FAM193A: variants seen among roughly 807,000 people sequenced by gnomAD.
The protein encoded by FAM193A is protein FAM193A.
A neutral mutation model predicts 126.5 loss-of-function variants in FAM193A; 22 were observed. The ratio of observed to expected loss-of-function variants is 0.17; its 90% CI spans 0.12 to 0.25. The LOEUF is 0.25. FAM193A is among the 10% of genes least tolerant of loss of function. The probability of loss-of-function intolerance (pLI) is 1.00; values close to 1 mark genes in which losing one functional copy is unlikely to be tolerated. For synonymous variants in FAM193A, 761 were observed against 646.8 expected (o/e 1.18, Z -2.68); for missense variants, 1,675 against 1,672.8 (o/e 1.00, Z -0.02).
At chr4:2,711,715 G>A (rs1325841694) in intron 19 of FAM193A, among the ~76,000 whole-genome samples, 6 of 151,792 alleles carry the variant, frequency 4.0e-5, no homozygotes, top group Admixed American at 2.0e-4. Context: ...TTGGGAGGCC[G>A]AGGCGGGCAG....
intron 4 of FAM193A, among the ~76,000 whole-genome samples, chr4:2,626,947 C>T (rs1029709365): frequency 6.6e-6 from 1 of 151,938 alleles, no homozygotes; most frequent in African/African-American, 2.4e-5. Context: ...CCGAGTTAGC[C>T]CATTTATGAA....
intron 1 of FAM193A, among the ~76,000 whole-genome samples, chr4:2,556,440 A>G (rs868269386): frequency 7.0e-5 from 10 of 143,792 alleles, no homozygotes; most frequent in Non-Finnish European, 1.4e-4. Context: ...TCCTGACCTC[A>G]TGATCTGCCT....
In FAM193A at chr4:2,725,297, C is replaced by T. The variant is rs187826053; in HGVS notation, c.4455-6478C>T. Among the ~76,000 whole-genome samples, 343 of 151,772 alleles carry T rather than the reference C, an allele frequency of 2.3e-3. 3 individuals are homozygous for T. In the Middle Eastern group the frequency reaches 0.038, roughly 17 times the overall value. On this transcript the variant is annotated intron_variant, in intron 20 of 20. Coordinates refer to ENST00000637812, the MANE Select transcript of FAM193A (RefSeq NM_001366318.2). Reference sequence around the variant, plus strand: ...ACGTCATCTCTACAAAAAGTAAAATCAGCTGGGCATGGTGGCACACTACTG... The same window carrying T: ...ACGTCATCTCTACAAAAAGTAAAATTAGCTGGGCATGGTGGCACACTACTG...
intron 2 of FAM193A, among the ~76,000 whole-genome samples, chr4:2,603,144 GTA>G (rs752552663): frequency 4.7e-5 from 7 of 147,408 alleles, no homozygotes; most frequent in East Asian, 2.0e-4. Flanking sequence ...AATTTTGTGT[GTA>G]TATATATATG....
intron 20 of FAM193A, among the ~76,000 whole-genome samples, chr4:2,726,778 CAAAAAAAAAAAA>C (rs71589604): frequency 6.7e-5 from 3 of 44,946 alleles, no homozygotes; most frequent in East Asian, 1.5e-3. Context: ...CTAAAAATAC[CAAAAAAAAAAAA>C]AAAAAAAAAA....
chr4:2,677,847 TG>T (rs1034285612), intron 13 of FAM193A, among the ~76,000 whole-genome samples: 1 of 152,232 alleles, frequency 6.6e-6, no homozygotes, highest in South Asian at 2.1e-4. Flanking sequence ...ATTGGCATTT[TG>T]ATGGGGACTG....
intron 2 of FAM193A, among the ~76,000 whole-genome samples, chr4:2,623,668 C>T (rs1419461518): frequency 6.6e-6 from 1 of 152,162 alleles, no homozygotes; most frequent in Non-Finnish European, 1.5e-5. Flanking sequence ...TTGCCAAGTC[C>T]AGCCCAGGGT....
chr4:2,699,466 A>G (rs1717444913), intron 18 of FAM193A, among the ~76,000 whole-genome samples: 1 of 143,560 alleles, frequency 7.0e-6, no homozygotes, highest in African/African-American at 2.5e-5. Flanking sequence ...ACACACAAAT[A>G]AGTAAGCATA....
At chr4:2,653,898 G>A (rs1226805235) in intron 7 of FAM193A, among the ~76,000 whole-genome samples, 1 of 152,126 alleles carries the variant, frequency 6.6e-6, no homozygotes, top group African/African-American at 2.4e-5. Context: ...GTGGGGAGCT[G>A]AAAACAACAG....
intron 15 of FAM193A, 132 bp downstream of exon 15, chr4:2,691,102 C>T: frequency 4.0e-6 from 3 of 759,436 alleles, no homozygotes; most frequent in Non-Finnish European, 6.4e-6. Flanking sequence ...AATTAACTGC[C>T]CAAAAATGCT....
chr4:2,536,227 G>C (rs1049236817), upstream of FAM193A, among the ~76,000 whole-genome samples: 1 of 151,624 alleles, frequency 6.6e-6, no homozygotes, highest in Non-Finnish European at 1.5e-5. Context: ...GCCGCCAGCC[G>C]TGTAGTTTGC....
At chr4:2,616,651 C>G (rs956973912) in intron 2 of FAM193A, among the ~76,000 whole-genome samples, 55 of 151,990 alleles carry the variant, frequency 3.6e-4, no homozygotes, top group Non-Finnish European at 7.1e-4. Flanking sequence ...GCTCCACCTT[C>G]CAGGTTCACG....
chr4:2,547,282 G>A (rs973776446), intron 1 of FAM193A, among the ~76,000 whole-genome samples: 6 of 152,116 alleles, frequency 3.9e-5, no homozygotes, highest in African/African-American at 1.4e-4. Flanking sequence ...CAGCTACTCG[G>A]GAGGTTGAGT....
rs111716417 is a variant in FAM193A at position 2,712,186 on chromosome 4, C to CTG, written c.4373-3825_4373-3824dup. On this transcript the variant is annotated intron_variant, in intron 19 of 20. Transcript: ENST00000637812. ...TTCTTGGGTCTTGGTATAGAGTTCA[C>CTG]TGTGTGTGTGTGTATATATATGTAC... 4.2e-3 allele frequency among the ~76,000 whole-genome samples: 636 copies of CTG among 151,858 alleles called. 3 individuals carry two copies. The highest frequency in any genetic ancestry group is 0.013 in the African/African-American group (529 of 41,428).
chr4:2,626,982 G>A (rs1577094154), intron 4 of FAM193A, among the ~76,000 whole-genome samples: 1 of 152,036 alleles, frequency 6.6e-6, no homozygotes, highest in South Asian at 2.1e-4. Context: ...GCTCTGTGAG[G>A]TTGGGTAGCT....
At chr4:2,646,853 C>CGAG in intron 7 of FAM193A, 21 bp downstream of exon 7, 3 of 1,600,878 alleles carry the variant, frequency 1.9e-6, no homozygotes, top group Non-Finnish European at 2.6e-6. Flanking sequence ...CCCGGGACCA[C>CGAG]CGCACCCCGC....
chr4:2,547,112 G>C (rs537681842), intron 1 of FAM193A, among the ~76,000 whole-genome samples: 41 of 152,260 alleles, frequency 2.7e-4, no homozygotes, highest in African/African-American at 9.1e-4. Context: ...TGTGGGCTGG[G>C]CGTGGTGGCT....
chr4:2,652,196 C>T (rs1024486522), intron 7 of FAM193A, among the ~76,000 whole-genome samples: 28 of 152,152 alleles, frequency 1.8e-4, no homozygotes, highest in African/African-American at 6.0e-4. Context: ...TGCCTGTCAA[C>T]AAAGATGACT....
At chr4:2,679,489 C>T (rs1398975739) in intron 13 of FAM193A, among the ~76,000 whole-genome samples, 2 of 148,260 alleles carry the variant, frequency 1.3e-5, no homozygotes, top group Non-Finnish European at 3.0e-5. Flanking sequence ...ATGTGATTCT[C>T]CTGCCTCAGC....
Sources: gnomAD v4.1 joint callset for allele counts (sites outside exome capture counted in the v4.1 genomes callset) on GRCh38, gnomAD v4.1.1 for gene constraint, MANE v1.5 for transcripts, NCBI Gene and HGNC (gene_info 2026-07-23, HGNC 2026-07-21) for gene names.